The following OPCML variants were observed in gnomAD, a reference collection of about 807,000 sequenced individuals.
OPCML encodes the protein opioid binding protein/cell adhesion molecule like.
Under a neutral mutation model 37.8 loss-of-function variants are expected in OPCML, and 13 were observed. That is an observed-to-expected ratio of 0.34 (90% CI 0.22 to 0.55). OPCML has a LOEUF of 0.55. OPCML is among the 20% of genes least tolerant of loss of function. The pLI, the probability that OPCML is intolerant of heterozygous loss-of-function variation, is 0.91. For missense variants in OPCML, 341 were observed against 435.6 expected (o/e 0.78, Z 1.93); for synonymous variants, 176 against 168.8 (o/e 1.04, Z -0.33).
At chr11:133,037,865 T>A (rs1449805170) in intron 1 of OPCML, among the ~76,000 whole-genome samples, 1 of 152,252 alleles carries the variant, frequency 6.6e-6, no homozygotes. Context: ...ACCTTTGATC[T>A]TAATGGGTGA....
At chr11:132,458,153 G>C (rs1334320925) in intron 4 of OPCML, among the ~76,000 whole-genome samples, 2 of 152,196 alleles carry the variant, frequency 1.3e-5, no homozygotes, top group East Asian at 3.9e-4. Flanking sequence ...TGAACATGTA[G>C]GGGTGGTGGG....
intron 6 of OPCML, 186 bp from the exon 7 acceptor site, chr11:132,436,423 G>A (rs2096013287): frequency 2.1e-6 from 2 of 965,252 alleles, no homozygotes; most frequent in East Asian, 1.2e-4. Context: ...AATTCCCAAC[G>A]ACTGACATGT....
At chr11:132,695,724 C>G (rs1943576807) in intron 2 of OPCML, among the ~76,000 whole-genome samples, 1 of 152,118 alleles carries the variant, frequency 6.6e-6, no homozygotes. Flanking sequence ...ACACCCACTA[C>G]AATGACAGTA....
At chr11:133,044,354 T>G (rs180689656) in intron 1 of OPCML, among the ~76,000 whole-genome samples, 2 of 152,310 alleles carry the variant, frequency 1.3e-5, no homozygotes. Flanking sequence ...GATCACGCAA[T>G]GCTTTGTAAG....
At chr11:132,574,373 G>C (rs1243479996) in intron 3 of OPCML, among the ~76,000 whole-genome samples, 1 of 147,660 alleles carries the variant, frequency 6.8e-6, no homozygotes, top group Non-Finnish European at 1.5e-5. Context: ...CTTCCTTCTT[G>C]TTTTTAGTGT....
At chr11:133,126,664 A>G (rs549148424) in intron 1 of OPCML, among the ~76,000 whole-genome samples, 2 of 152,290 alleles carry the variant, frequency 1.3e-5, no homozygotes, top group Non-Finnish European at 1.5e-5. Flanking sequence ...CCAATCCCAT[A>G]TAAGCAGCCA....
intron 1 of OPCML, among the ~76,000 whole-genome samples, chr11:133,513,641 TC>T (rs1441276922): frequency 6.6e-6 from 1 of 152,178 alleles, no homozygotes; most frequent in Non-Finnish European, 1.5e-5. Flanking sequence ...GAATTGTGTC[TC>T]CCTGAGTGAA....
At chr11:133,019,449 T>A (rs997027987) in intron 1 of OPCML, among the ~76,000 whole-genome samples, 1 of 152,174 alleles carries the variant, frequency 6.6e-6, no homozygotes, top group African/African-American at 2.4e-5. Flanking sequence ...CGGACACCAC[T>A]TGATATTTGA....
chr11:133,502,371 G>A (rs943660176), intron 1 of OPCML, among the ~76,000 whole-genome samples: 19 of 152,176 alleles, frequency 1.2e-4, no homozygotes, highest in African/African-American at 2.7e-4. Flanking sequence ...GCAGGGTGAC[G>A]CAGTCCATGC....
intron 1 of OPCML, among the ~76,000 whole-genome samples, chr11:133,187,324 C>T (rs997648977): frequency 3.0e-4 from 46 of 151,970 alleles, no homozygotes; most frequent in Non-Finnish European, 3.8e-4. Flanking sequence ...TCAAAGTTGC[C>T]TCTGCTTGGG....
intron 4 of OPCML, among the ~76,000 whole-genome samples, chr11:132,469,238 A>G (rs116545337): frequency 1.0e-3 from 159 of 152,350 alleles, no homozygotes; most frequent in African/African-American, 3.6e-3. Context: ...AGATAGGAAA[A>G]TAAAAACAAA....
At chr11:133,218,465 A>C (rs1432990290) in intron 1 of OPCML, among the ~76,000 whole-genome samples, 4 of 152,240 alleles carry the variant, frequency 2.6e-5, no homozygotes, top group African/African-American at 9.6e-5. Context: ...CATACAGGAA[A>C]GTCATATTTG....
rs202186694 is a variant in OPCML at position 132,445,426 on chromosome 11, G to A, written c.506-8067C>T. On this transcript the variant is annotated intron_variant, in intron 4 of 7. Transcript: ENST00000524381. ...CCCCAAAGAGAAACTCTCATACACT[G>A]GGGCTCTTGAACTCTTTACCGGGAA... Among the ~76,000 whole-genome samples, 24 of 152,278 alleles carry A rather than the reference G, an allele frequency of 1.6e-4. No individual in the cohort carries two copies. In the East Asian group the frequency reaches 4.6e-3, roughly 29 times the overall value.
intron 1 of OPCML, among the ~76,000 whole-genome samples, chr11:132,955,741 G>C (rs752040263): frequency 6.6e-6 from 1 of 152,016 alleles, no homozygotes; most frequent in Non-Finnish European, 1.5e-5. Flanking sequence ...AATTAGCAGG[G>C]AATGGTGGTG....
chr11:133,428,827 CATG>C (rs942868618), intron 1 of OPCML, among the ~76,000 whole-genome samples: 1 of 152,030 alleles, frequency 6.6e-6, no homozygotes, highest in Non-Finnish European at 1.5e-5. Flanking sequence ...TCTTTGGAAA[CATG>C]ATGAAGTACT....
At chr11:133,053,805 G>C (rs1443918506) in intron 1 of OPCML, among the ~76,000 whole-genome samples, 1 of 152,038 alleles carries the variant, frequency 6.6e-6, no homozygotes, top group Admixed American at 6.5e-5. Context: ...ATTCCTAATG[G>C]CTTTGGGATA....
intron 1 of OPCML, among the ~76,000 whole-genome samples, chr11:133,387,363 C>G (rs566978913): frequency 1.6e-4 from 25 of 152,146 alleles, no homozygotes; most frequent in Non-Finnish European, 3.2e-4. Flanking sequence ...GAGGAAGCAG[C>G]CACCGGCGGG....
chr11:132,425,487 A>T (rs1042784249), intron 7 of OPCML, among the ~76,000 whole-genome samples: 2 of 152,228 alleles, frequency 1.3e-5, no homozygotes, highest in Non-Finnish European at 2.9e-5. Context: ...TTATGTATAA[A>T]ATGTGGAAGG....
intron 1 of OPCML, among the ~76,000 whole-genome samples, chr11:133,150,293 G>A (rs1301437183): frequency 6.6e-6 from 1 of 152,196 alleles, no homozygotes; most frequent in Non-Finnish European, 1.5e-5. Context: ...TGCATGGATG[G>A]TCTCACCCTT....
Sources: gnomAD v4.1 joint callset for allele counts (sites outside exome capture counted in the v4.1 genomes callset) on GRCh38, gnomAD v4.1.1 for gene constraint, MANE v1.5 for transcripts, NCBI Gene and HGNC (gene_info 2026-07-23, HGNC 2026-07-21) for gene names.